The following TTC1 variants were observed in gnomAD, a reference collection of about 807,000 sequenced individuals.
TTC1 encodes the protein tetratricopeptide repeat domain 1, also known as tetratricopeptide repeat protein 1.
A neutral mutation model predicts 37.6 loss-of-function variants in TTC1; 31 were observed. The observed-to-expected ratio is 0.82, with a 90% CI of 0.62 to 1.11. TTC1 has a LOEUF of 1.11. Among genes scored for constraint, TTC1 ranks in the 50% most tolerant of loss-of-function variants. The pLI is 0.00. For missense variants in TTC1, 351 were observed against 339.0 expected (o/e 1.04, Z -0.28); for synonymous variants, 127 against 122.4 (o/e 1.04, Z -0.25).
At chr5:160,034,934 T>C (rs1756976976) in intron 2 of TTC1, among the ~76,000 whole-genome samples, 1 of 152,236 alleles carries the variant, frequency 6.6e-6, no homozygotes, top group African/African-American at 2.4e-5. Flanking sequence ...TTTTTTGTTT[T>C]AAACATCAAG....
At chr5:160,015,946 G>T (rs145562988) in intron 2 of TTC1, among the ~76,000 whole-genome samples, 49 of 152,332 alleles carry the variant, frequency 3.2e-4, no homozygotes, top group Middle Eastern at 6.8e-3. Flanking sequence ...GTCCATTGGA[G>T]AATTGTTTAG....
chr5:160,048,450 C>T (rs931773079), intron 5 of TTC1, among the ~76,000 whole-genome samples: 2 of 152,150 alleles, frequency 1.3e-5, no homozygotes, highest in African/African-American at 2.4e-5. Flanking sequence ...CCACCACACC[C>T]GGCCAGCACT....
chr5:160,042,179 C>T (rs1757110721), intron 4 of TTC1, among the ~76,000 whole-genome samples: 1 of 152,218 alleles, frequency 6.6e-6, no homozygotes, highest in African/African-American at 2.4e-5. Flanking sequence ...ATCCGCCCAC[C>T]TTGGTCCTCC....
chr5:160,035,064 G>C, intron 2 of TTC1, 76 bp from the exon 3 acceptor site: 1 of 1,283,666 alleles, frequency 7.8e-7, no homozygotes. Context: ...ATAGACTTGT[G>C]CATAAGGAAA....
rs116633320 is a variant in TTC1, at chr5:160,063,386, T to G, written c.746-1546T>G. On this transcript the variant is annotated intron_variant, in intron 7 of 7. Coordinates refer to ENST00000231238, the MANE Select transcript of TTC1 (RefSeq NM_003314.3). ...GTGTGCCACCACACCTAGCTAATTT[T>G]TAAATTTTTGTAGATACAGGGTCTC... Among the ~76,000 whole-genome samples, 695 of 152,222 alleles carry G rather than the reference T, an allele frequency of 4.6e-3. 6 individuals carry two copies. Among genetic ancestry groups the G allele is most frequent in the South Asian group, 0.017 (80 of 4,824 alleles).
In TTC1 at chr5:160,065,103, G is replaced by A. The variant is rs886398922; in HGVS notation, c.*38G>A. On this transcript the variant is annotated 3_prime_UTR_variant, in exon 8 of 8. Coordinates refer to ENST00000231238, the MANE Select transcript of TTC1 (RefSeq NM_003314.3). The stretch of plus-strand genomic sequence containing the variant: ...AAGCTTTACAAGCTGACTTGGAATT[G>A]TGTGCTGCTTGCTGTTAGCTAGGGG... The A allele has an allele frequency of 9.4e-6, 15 of 1,597,852 alleles. No individual in the cohort carries two copies. In the African/African-American group the frequency reaches 1.6e-4, roughly 17 times the overall value.
At chr5:160,019,718 G>A (rs1024239700) in intron 2 of TTC1, among the ~76,000 whole-genome samples, 1 of 151,152 alleles carries the variant, frequency 6.6e-6, no homozygotes, top group Admixed American at 6.6e-5. Context: ...CCGAGTAGCT[G>A]GGGCTACAGG....
intron 2 of TTC1, among the ~76,000 whole-genome samples, chr5:160,017,052 T>C (rs1212634012): frequency 6.6e-6 from 1 of 152,228 alleles, no homozygotes; most frequent in African/African-American, 2.4e-5. Flanking sequence ...TTGTGAAAGC[T>C]TAAATGTAGA....
intron 2 of TTC1, among the ~76,000 whole-genome samples, chr5:160,021,352 T>G (rs1756701132): frequency 6.6e-6 from 1 of 152,166 alleles, no homozygotes; most frequent in Non-Finnish European, 1.5e-5. Flanking sequence ...GCATCCAACA[T>G]CGGAAGAACT....
At chr5:160,037,405 T>C (rs549422962) in intron 4 of TTC1, among the ~76,000 whole-genome samples, 2 of 152,334 alleles carry the variant, frequency 1.3e-5, no homozygotes, top group South Asian at 2.1e-4. Flanking sequence ...ATTTGTTTTA[T>C]ACCATGACCT....
chr5:160,035,619 CTCTT>C (rs998428644), intron 3 of TTC1, among the ~76,000 whole-genome samples: 46 of 152,292 alleles, frequency 3.0e-4, no homozygotes, highest in African/African-American at 6.5e-4. Flanking sequence ...CCTTTGGTTG[CTCTT>C]TCTTTCTTTC....
chr5:160,033,942 A>G (rs1038851327), intron 2 of TTC1, among the ~76,000 whole-genome samples: 48 of 152,280 alleles, frequency 3.2e-4, no homozygotes, highest in African/African-American at 1.1e-3. Flanking sequence ...GAAATTACTT[A>G]ATCAGAAGCT....
intron 5 of TTC1, among the ~76,000 whole-genome samples, chr5:160,045,227 T>A (rs1346990443): frequency 6.6e-6 from 1 of 152,142 alleles, no homozygotes; most frequent in Admixed American, 6.6e-5. Context: ...AACAGTTTAC[T>A]TCCAGCTGCA....
intron 2 of TTC1, among the ~76,000 whole-genome samples, chr5:160,014,708 GAATA>G (rs1402592738): frequency 6.6e-6 from 1 of 151,866 alleles, no homozygotes; most frequent in Non-Finnish European, 1.5e-5. Context: ...GTCTCAAAAT[GAATA>G]AATAAATAAT....
Position 160,035,701 on chromosome 5 carries a change from G to A in TTC1, c.391+501G>A, listed in dbSNP as rs1005308982. Among the ~76,000 whole-genome samples, 4 of 152,134 alleles carry A rather than the reference G, an allele frequency of 2.6e-5. No homozygotes were observed. In the East Asian group the frequency reaches 7.7e-4, roughly 29 times the overall value. ...CTTTCATGTGCCATTTTCTTTGGAT[G>A]CCTTAAGTAGGGAGATTCTTCATGT... On this transcript the variant is annotated intron_variant, in intron 3 of 7. Transcript: ENST00000231238.
At chr5:160,019,568 T>G (rs1326971064) in intron 2 of TTC1, among the ~76,000 whole-genome samples, 2 of 151,020 alleles carry the variant, frequency 1.3e-5, no homozygotes, top group Non-Finnish European at 3.0e-5. Context: ...GTTGTTTCCC[T>G]TTTCTTTCAT....
chr5:160,010,498 A>T lies in TTC1; in HGVS notation c.-29-2A>T, dbSNP rs781369143. The T allele has an allele frequency of 5.0e-6, 8 of 1,584,398 alleles. No individual in the cohort carries two copies. Among genetic ancestry groups the T allele is most frequent in the Non-Finnish European group, 6.9e-6 (8 of 1,162,000 alleles). On this transcript the variant is annotated splice_acceptor_variant, in intron 1 of 7. Coordinates refer to ENST00000231238, the MANE Select transcript of TTC1 (RefSeq NM_003314.3). LOFTEE classifies it low-confidence loss of function (5UTR_SPLICE). ...TAGCAGTTTTGTTTTGTTTTCCCCCAGCTTTAGCGTCACCTCCCTCACTGG... is the reference window on the plus strand; with the variant it reads ...TAGCAGTTTTGTTTTGTTTTCCCCCTGCTTTAGCGTCACCTCCCTCACTGG...
chr5:160,026,994 ATAGTCTACTT>A (rs1358350939), intron 2 of TTC1, among the ~76,000 whole-genome samples: 8 of 142,774 alleles, frequency 5.6e-5, no homozygotes, highest in Non-Finnish European at 1.1e-4. Flanking sequence ...ACATCTTTTT[ATAGTCTACTT>A]TAGTTTTTCG....
chr5:160,047,951 A>G (rs1757294851), intron 5 of TTC1, among the ~76,000 whole-genome samples: 1 of 152,156 alleles, frequency 6.6e-6, no homozygotes. Flanking sequence ...CTACTAGAAT[A>G]GCATAAGGCT....
Sources: gnomAD v4.1 joint callset for allele counts (sites outside exome capture counted in the v4.1 genomes callset) on GRCh38, gnomAD v4.1.1 for gene constraint, MANE v1.5 for transcripts, NCBI Gene and HGNC (gene_info 2026-07-23, HGNC 2026-07-21) for gene names.